The following CTNND2 variants were observed in gnomAD, a reference collection of about 807,000 sequenced individuals.
The protein encoded by CTNND2 is catenin delta 2.
CTNND2 carries 22 observed loss-of-function variants against 144.4 expected under a neutral mutation model. The observed-to-expected ratio is 0.15, with a 90% CI of 0.11 to 0.22. The LOEUF (loss-of-function observed/expected upper bound fraction) is 0.22. Among genes scored for constraint, CTNND2 ranks in the 10% least tolerant of loss-of-function variants. The probability of loss-of-function intolerance (pLI) is 1.00; values close to 1 mark genes in which losing one functional copy is unlikely to be tolerated. For missense variants in CTNND2, 1,353 were observed against 1,618.8 expected, an observed-to-expected ratio of 0.84 and a Z score of 2.82; for synonymous variants, 751 against 695.6, an observed-to-expected ratio of 1.08 and a Z score of -1.25.
intron 2 of CTNND2, among the ~76,000 whole-genome samples, chr5:11,600,939 AG>A (rs1183153596): frequency 6.6e-6 from 1 of 152,176 alleles, no homozygotes; most frequent in East Asian, 1.9e-4. Flanking sequence ...GCAAGCTCAC[AG>A]GTAAAGAGCT....
intron 2 of CTNND2, among the ~76,000 whole-genome samples, chr5:11,636,066 G>GT (rs1413470220): frequency 1.7e-5 from 2 of 119,718 alleles, no homozygotes; most frequent in Non-Finnish European, 3.2e-5. Context: ...TGATTCTACA[G>GT]TAACTTGAAT....
chr5:11,057,063 G>A (rs920242394), intron 16 of CTNND2, among the ~76,000 whole-genome samples: 2 of 152,114 alleles, frequency 1.3e-5, no homozygotes, highest in Non-Finnish European at 2.9e-5. Flanking sequence ...CCCTTGATCT[G>A]CACTATAGAA....
chr5:11,127,250 G>A (rs1754768502), intron 12 of CTNND2, among the ~76,000 whole-genome samples: 2 of 152,230 alleles, frequency 1.3e-5, no homozygotes, highest in Admixed American at 1.3e-4. Context: ...CACATTCTCT[G>A]TGCTAAGTGC....
Position 11,279,118 on chromosome 5 carries a change from T to A in CTNND2, c.1629-42295A>T, listed in dbSNP as rs189415735. ...GAGGAAAAAGGCATCCATGGGACTG[T>A]CTTGGGCAGATGAGAATACATGATT... is the stretch of plus-strand genomic sequence containing the variant. On this transcript the variant is annotated intron_variant, in intron 9 of 21. Coordinates refer to ENST00000304623, the MANE Select transcript of CTNND2 (RefSeq NM_001332.4). Among the ~76,000 whole-genome samples the A allele has an allele frequency of 4.1e-3, 626 of 152,274 alleles. 2 individuals are homozygous for A. Among genetic ancestry groups the A allele is most frequent in the Non-Finnish European group, 6.3e-3 (430 of 68,010 alleles).
chr5:11,577,940 T>C (rs1778092195), intron 2 of CTNND2, among the ~76,000 whole-genome samples: 1 of 152,186 alleles, frequency 6.6e-6, no homozygotes, highest in African/African-American at 2.4e-5. Flanking sequence ...AGTTTGCCAG[T>C]CCCTAAATGT....
At chr5:11,840,051 T>C (rs1167211883) in intron 1 of CTNND2, among the ~76,000 whole-genome samples, 1 of 152,188 alleles carries the variant, frequency 6.6e-6, no homozygotes, top group African/African-American at 2.4e-5. Flanking sequence ...ACAAAATCTT[T>C]TTTCATTCTT....
chr5:11,624,425 C>A (rs1049556006), intron 2 of CTNND2, among the ~76,000 whole-genome samples: 5 of 152,034 alleles, frequency 3.3e-5, no homozygotes, highest in Admixed American at 2.6e-4. Flanking sequence ...TGTTGAATAA[C>A]CTTGCTGTTT....
chr5:11,583,364 A>G (rs1257886891), intron 2 of CTNND2, among the ~76,000 whole-genome samples: 5 of 152,232 alleles, frequency 3.3e-5, no homozygotes, highest in Admixed American at 6.5e-5. Flanking sequence ...TGGTCTAAGA[A>G]CAGGCAGAAA....
At chr5:11,412,700 T>C (rs1220922593) in intron 3 of CTNND2, among the ~76,000 whole-genome samples, 1 of 152,202 alleles carries the variant, frequency 6.6e-6, no homozygotes, top group Non-Finnish European at 1.5e-5. Context: ...AACAGATTTA[T>C]TTTGAATGAC....
chr5:11,591,558 T>TA (rs1180118522), intron 2 of CTNND2, among the ~76,000 whole-genome samples: 5 of 151,766 alleles, frequency 3.3e-5, no homozygotes, highest in Non-Finnish European at 4.4e-5. Flanking sequence ...TTTTTTTCTT[T>TA]TTTTTGAATA....
In CTNND2 at chr5:11,701,863, G is replaced by A. The variant is rs539739397; in HGVS notation, c.174+30273C>T. ...CACTGAAGATAGGCTGAGTTATGCT[G>A]CAGTAAAAACAAACTAAAAATCTCA... On this transcript the variant is annotated intron_variant, in intron 2 of 21. Coordinates refer to ENST00000304623, the MANE Select transcript of CTNND2 (RefSeq NM_001332.4). Among the ~76,000 whole-genome samples the A allele has an allele frequency of 9.2e-5, 14 of 152,298 alleles. No individual in the cohort carries two copies. In the South Asian group the frequency reaches 2.9e-3, roughly 32 times the overall value.
At chr5:11,401,517 G>C (rs1229249035) in intron 5 of CTNND2, among the ~76,000 whole-genome samples, 1 of 152,148 alleles carries the variant, frequency 6.6e-6, no homozygotes, top group African/African-American at 2.4e-5. Context: ...CACAGACCTG[G>C]GCTCTAGCCC....
At chr5:11,544,426 CAAT>C (rs1314553148) in intron 3 of CTNND2, among the ~76,000 whole-genome samples, 1 of 152,164 alleles carries the variant, frequency 6.6e-6, no homozygotes, top group African/African-American at 2.4e-5. Flanking sequence ...GCGTATGACT[CAAT>C]GATGCCACAA....
chr5:11,034,328 C>G (rs570354208), intron 16 of CTNND2, among the ~76,000 whole-genome samples: 50 of 152,300 alleles, frequency 3.3e-4, no homozygotes, highest in African/African-American at 1.2e-3. Flanking sequence ...GAGTGTTCAG[C>G]TAGATTGAAT....
chr5:11,385,442 T>A (rs1242531279), intron 6 of CTNND2, among the ~76,000 whole-genome samples: 1 of 152,194 alleles, frequency 6.6e-6, no homozygotes, highest in Non-Finnish European at 1.5e-5. Context: ...ACAGGCCAGC[T>A]GACTACTGGA....
intron 14 of CTNND2, among the ~76,000 whole-genome samples, chr5:11,102,358 T>G (rs1287758664): frequency 1.3e-5 from 2 of 152,166 alleles, no homozygotes; most frequent in Non-Finnish European, 2.9e-5. Context: ...AATTTCTAAT[T>G]TTACACACAT....
intron 12 of CTNND2, among the ~76,000 whole-genome samples, chr5:11,121,580 C>A (rs1754143189): frequency 6.7e-6 from 1 of 150,272 alleles, no homozygotes; most frequent in Non-Finnish European, 1.5e-5. Flanking sequence ...AAAAATGAAA[C>A]AATTCATTTT....
At chr5:11,765,986 T>A (rs4502825) in intron 1 of CTNND2, among the ~76,000 whole-genome samples, 144,992 of 152,192 alleles carry the variant, frequency 0.95, 69,455 homozygotes, top group East Asian at 1. Flanking sequence ...TTTTCTAAAA[T>A]ACATGCCATG....
intron 17 of CTNND2, among the ~76,000 whole-genome samples, chr5:11,018,996 C>G (rs1026753271): frequency 2.0e-5 from 3 of 152,154 alleles, no homozygotes; most frequent in Non-Finnish European, 2.9e-5. Flanking sequence ...CGTGATCCAC[C>G]GTGCCCAGCC....
Sources: gnomAD v4.1 joint callset for allele counts (sites outside exome capture counted in the v4.1 genomes callset) on GRCh38, gnomAD v4.1.1 for gene constraint, MANE v1.5 for transcripts, NCBI Gene and HGNC (gene_info 2026-07-23, HGNC 2026-07-21) for gene names.